Variants in TASP1 observed in about 807,000 individuals in gnomAD.
TASP1 encodes taspase 1, also known as threonine aspartase 1.
A neutral mutation model predicts 56.6 loss-of-function variants in TASP1; 16 were observed. The observed-to-expected ratio is 0.28, with a 90% confidence interval of 0.19 to 0.43. The LOEUF is 0.43. Ranked by LOEUF, TASP1 falls within the 20% of genes least tolerant of loss-of-function variation. The pLI, the probability that TASP1 is intolerant of heterozygous loss-of-function variation, is 1.00. For missense variants in TASP1, 393 were observed against 511.6 expected, an observed-to-expected ratio of 0.77 and a Z score of 2.24; for synonymous variants, 179 against 184.2, an observed-to-expected ratio of 0.97 and a Z score of 0.23.
intron 4 of TASP1, among the ~76,000 whole-genome samples, chr20:13,623,165 T>C (rs1483898986): frequency 1.3e-5 from 2 of 152,068 alleles, no homozygotes; most frequent in Non-Finnish European, 2.9e-5. Context: ...TCAAGGATTT[T>C]CCTACTGAAA....
At chr20:13,551,896 T>C (rs892050335) in intron 8 of TASP1, among the ~76,000 whole-genome samples, 3 of 152,176 alleles carry the variant, frequency 2.0e-5, no homozygotes, top group South Asian at 4.1e-4. Context: ...CTGATAAGTA[T>C]TCCAACAATG....
At chr20:13,466,281 T>C (rs1465624793) in intron 11 of TASP1, among the ~76,000 whole-genome samples, 2 of 152,122 alleles carry the variant, frequency 1.3e-5, no homozygotes, top group East Asian at 1.9e-4. Context: ...ATAAAGTATA[T>C]ATTAAAAACT....
chr20:13,539,546 T>A lies in TASP1; in HGVS notation c.676-5405A>T, dbSNP rs192773363. ...GTCAGGACAACAGAGTAAGACACTA[T>A]CTCTAAACAAGCAAAAAAATAAACA... is the stretch of plus-strand genomic sequence containing the variant. On this transcript the variant is annotated intron_variant, in intron 8 of 13. Coordinates refer to ENST00000337743, the MANE Select transcript of TASP1 (RefSeq NM_017714.3). 2.0e-5 allele frequency among the ~76,000 whole-genome samples: 3 copies of A among 152,252 alleles called. No individual in the cohort carries two copies. In the East Asian group the frequency reaches 5.8e-4, roughly 29 times the overall value.
At chr20:13,160,142 C>T in the TASP1 span, 4 of 1,612,530 alleles carry the variant, frequency 2.5e-6, no homozygotes, top group South Asian at 4.4e-5. Flanking sequence ...GGTGAGTACA[C>T]CACAGGCCAA....
the TASP1 span, among the ~76,000 whole-genome samples, chr20:13,171,057 A>G: frequency 6.6e-6 from 1 of 152,194 alleles, no homozygotes; most frequent in Non-Finnish European, 1.5e-5. Flanking sequence ...TTGAATAAAA[A>G]CTTTTCAACA....
the TASP1 span, among the ~76,000 whole-genome samples, chr20:13,132,643 A>G: frequency 6.6e-6 from 1 of 152,200 alleles, no homozygotes; most frequent in Non-Finnish European, 1.5e-5. Flanking sequence ...AAAAATATTT[A>G]TTGAAAGAAT....
At chr20:13,132,174 T>A in the TASP1 span, among the ~76,000 whole-genome samples, 1 of 131,332 alleles carries the variant, frequency 7.6e-6, no homozygotes, top group African/African-American at 2.9e-5. Context: ...TGCTTTAATT[T>A]TTTTTTTTTT....
chr20:13,544,412 T>C (rs998018918), intron 8 of TASP1, among the ~76,000 whole-genome samples: 7 of 152,218 alleles, frequency 4.6e-5, no homozygotes, highest in African/African-American at 1.7e-4. Flanking sequence ...TGGTCATCCT[T>C]CACTGTAATC....
At chr20:13,240,266 A>C in the TASP1 span, among the ~76,000 whole-genome samples, 1 of 152,248 alleles carries the variant, frequency 6.6e-6, no homozygotes, top group Non-Finnish European at 1.5e-5. Flanking sequence ...TTGATTCAGA[A>C]TAAAGGAATT....
chr20:13,151,552 GA>G, the TASP1 span, among the ~76,000 whole-genome samples: 1 of 152,310 alleles, frequency 6.6e-6, no homozygotes, highest in South Asian at 2.1e-4. Context: ...TTGGGAAAAA[GA>G]AAGTAACAGA....
the TASP1 span, among the ~76,000 whole-genome samples, chr20:13,143,445 T>G: frequency 6.6e-6 from 1 of 152,200 alleles, no homozygotes; most frequent in Non-Finnish European, 1.5e-5. Flanking sequence ...GGCATTATTA[T>G]TATTATCCTT....
chr20:13,340,723 G>A, the TASP1 span, among the ~76,000 whole-genome samples: 14,834 of 152,074 alleles, frequency 0.098, 1,633 homozygotes, highest in African/African-American at 0.27. Flanking sequence ...AAATTATTGC[G>A]AAGTCTTTTG....
chr20:13,549,045 C>G (rs1451473343), intron 8 of TASP1, among the ~76,000 whole-genome samples: 1 of 152,054 alleles, frequency 6.6e-6, no homozygotes, highest in African/African-American at 2.4e-5. Context: ...GAGTATTACA[C>G]CAAGCTAAAA....
At chr20:13,364,913 T>C in the TASP1 span, among the ~76,000 whole-genome samples, 4 of 151,996 alleles carry the variant, frequency 2.6e-5, no homozygotes, top group Admixed American at 2.0e-4. Context: ...ATATGCTCCA[T>C]TGAACTATTT....
chr20:13,498,200 T>C (rs565093976), intron 10 of TASP1, among the ~76,000 whole-genome samples: 1 of 152,166 alleles, frequency 6.6e-6, no homozygotes, highest in Non-Finnish European at 1.5e-5. Flanking sequence ...TGGGAGAAAA[T>C]ATTTGCAAAC....
At chr20:13,533,204 G>C (rs2045287708) in intron 9 of TASP1, among the ~76,000 whole-genome samples, 1 of 152,098 alleles carries the variant, frequency 6.6e-6, no homozygotes, top group Non-Finnish European at 1.5e-5. Context: ...AGCATAACAA[G>C]ACACATTCCA....
chr20:13,225,420 A>G, the TASP1 span, among the ~76,000 whole-genome samples: 2 of 152,216 alleles, frequency 1.3e-5, no homozygotes, highest in Non-Finnish European at 2.9e-5. Flanking sequence ...TGTGTTAACT[A>G]TGACATATAT....
the TASP1 span, among the ~76,000 whole-genome samples, chr20:13,257,895 G>C: frequency 5.3e-5 from 8 of 152,066 alleles, no homozygotes; most frequent in African/African-American, 1.9e-4. Context: ...AGACTCTCTT[G>C]TTCTAACCAG....
chr20:13,582,901 A>C (rs918572459), intron 5 of TASP1, among the ~76,000 whole-genome samples: 2 of 152,198 alleles, frequency 1.3e-5, no homozygotes, highest in East Asian at 1.9e-4. Context: ...TTGTCAGTAG[A>C]GGACACTAAA....
Sources: allele counts gnomAD v4.1 joint callset (sites outside exome capture counted in the v4.1 genomes callset), GRCh38; gene constraint gnomAD v4.1.1; transcripts MANE v1.5; gene names NCBI Gene and HGNC (gene_info 2026-07-23, HGNC 2026-07-21).